DOCK2: variants seen among roughly 807,000 people sequenced by gnomAD.
DOCK2 encodes dedicator of cytokinesis protein 2.
A neutral mutation model predicts 248.9 loss-of-function variants in DOCK2; 87 were observed. The ratio of observed to expected loss-of-function variants is 0.35; its 90% CI spans 0.29 to 0.42. The LOEUF (loss-of-function observed/expected upper bound fraction) is 0.42, where lower values mean the gene tolerates loss of function less well. Ranked by LOEUF, DOCK2 falls within the 10% of genes least tolerant of loss-of-function variation. The pLI is 1.00. For synonymous variants in DOCK2, 805 were observed against 821.6 expected, an observed-to-expected ratio of 0.98 and a Z score of 0.35; for missense variants, 1,747 against 2,300.2, an observed-to-expected ratio of 0.76 and a Z score of 4.92.
Position 170,083,003 on chromosome 5 carries a change from A to G in DOCK2, c.*145A>G. 3 of 1,001,696 alleles carry G rather than the reference A, an allele frequency of 3.0e-6. No homozygotes were observed. Among genetic ancestry groups the G allele is most frequent in the Non-Finnish European group, 4.4e-6 (3 of 674,698 alleles). The allele number at this position is 1,001,696 out of a possible 1,614,324, so 62.1% of individuals were successfully genotyped here. A position where few individuals can be genotyped will look rare whatever the true frequency, so the allele number is the denominator to read the frequency against. On this transcript the variant is annotated 3_prime_UTR_variant, in exon 52 of 52. Transcript: ENST00000520908. ...CTTAGAGGAGACAGAGAGGCCAATC[A>G]GGTCCCAGAGCTTGAATGCTAACAA... is the stretch of plus-strand genomic sequence containing the variant.
At chr5:169,954,695 CTTGTTG>C (rs963676229) in intron 27 of DOCK2, among the ~76,000 whole-genome samples, 1 of 152,174 alleles carries the variant, frequency 6.6e-6, no homozygotes, top group Non-Finnish European at 1.5e-5. Flanking sequence ...CCCTTTCAAA[CTTGTTG>C]TTGTTGTTGT....
intron 27 of DOCK2, among the ~76,000 whole-genome samples, chr5:169,865,769 T>C (rs1275195490): frequency 6.6e-6 from 1 of 152,230 alleles, no homozygotes; most frequent in Non-Finnish European, 1.5e-5. Flanking sequence ...ATGTTGCATC[T>C]GGGAGACCAA....
In DOCK2 at chr5:170,028,769, G is replaced by A. The variant is rs992605918; in HGVS notation, c.3467+821G>A. The stretch of plus-strand genomic sequence containing the variant: ...CACACACACACACACACACACACAC[G>A]CGTGCGCACACACACCCAAACACTC... On this transcript the variant is annotated intron_variant, in intron 34 of 51. Transcript: ENST00000520908. Among the ~76,000 whole-genome samples, 145 of 150,242 alleles carry A rather than the reference G, an allele frequency of 9.7e-4. 1 individual carries two copies. The highest frequency in any genetic ancestry group is 1.3e-3 in the Admixed American group (19 of 15,044).
At chr5:170,040,447 T>C (rs1436463177) in intron 36 of DOCK2, among the ~76,000 whole-genome samples, 4 of 152,196 alleles carry the variant, frequency 2.6e-5, no homozygotes, top group Non-Finnish European at 5.9e-5. Flanking sequence ...GCTCAAGGTC[T>C]ACATATGAAT....
At position 169,945,333 on chromosome 5, in the gene DOCK2, CAT is replaced by C. The variant is rs76678513; in HGVS notation, c.2800-37729_2800-37728del. Among the ~76,000 whole-genome samples the C allele has an allele frequency of 8.0e-3, 1,212 of 152,338 alleles. 61 individuals carry two copies. The East Asian group carries it at 0.13, about 17-fold the overall frequency. On this transcript the variant is annotated intron_variant, in intron 27 of 51. Transcript: ENST00000520908. Reference sequence around the variant, plus strand: ...TCTCTTCTCTCCTCTAGTTAGAAGACATATATAATTTTGGGCAGAGAGCTCAA... The same window carrying C: ...TCTCTTCTCTCCTCTAGTTAGAAGACATATAATTTTGGGCAGAGAGCTCAA...
intron 1 of DOCK2, among the ~76,000 whole-genome samples, chr5:169,651,930 G>A (rs264879): frequency 0.53 from 80,365 of 152,058 alleles, 21,284 homozygotes; most frequent in Non-Finnish European, 0.56. Flanking sequence ...CAAAGCTCTG[G>A]AGGAGTGAGC....
At chr5:170,031,967 A>G (rs1403815584) in intron 34 of DOCK2, among the ~76,000 whole-genome samples, 1 of 152,050 alleles carries the variant, frequency 6.6e-6, no homozygotes, top group Non-Finnish European at 1.5e-5. Flanking sequence ...TATTAACACA[A>G]TGCCCCAGTG....
At chr5:169,918,493 C>G (rs1364216409) in intron 27 of DOCK2, among the ~76,000 whole-genome samples, 1 of 152,212 alleles carries the variant, frequency 6.6e-6, no homozygotes, top group Non-Finnish European at 1.5e-5. Flanking sequence ...AGAGCATCAT[C>G]TCACAGTTAA....
chr5:169,669,160 C>G, intron 2 of DOCK2, 128 bp from the exon 3 acceptor site: 1 of 1,063,984 alleles, frequency 9.4e-7, no homozygotes. Context: ...AGAGTTTGAT[C>G]TGTACCCAAG....
At chr5:169,685,280 G>A (rs922042123) in intron 8 of DOCK2, among the ~76,000 whole-genome samples, 2 of 152,226 alleles carry the variant, frequency 1.3e-5, no homozygotes, top group Admixed American at 6.5e-5. Flanking sequence ...AATGGAGGAA[G>A]TGAGGGAACT....
At chr5:169,659,113 A>G (rs1758303411) in intron 2 of DOCK2, among the ~76,000 whole-genome samples, 1 of 151,506 alleles carries the variant, frequency 6.6e-6, no homozygotes, top group East Asian at 1.9e-4. Flanking sequence ...CAGCCTTCCA[A>G]GTACCTGGGA....
intron 27 of DOCK2, among the ~76,000 whole-genome samples, chr5:169,850,305 G>A (rs1770556755): frequency 6.6e-6 from 1 of 152,206 alleles, no homozygotes; most frequent in South Asian, 2.1e-4. Flanking sequence ...AGCCTGGGAA[G>A]GAGGAAGCTA....
At chr5:169,675,888 C>T (rs946202108) in intron 6 of DOCK2, among the ~76,000 whole-genome samples, 6 of 152,246 alleles carry the variant, frequency 3.9e-5, no homozygotes, top group African/African-American at 1.4e-4. Flanking sequence ...CACAGTCCCT[C>T]TGCTGATGCC....
chr5:169,951,661 T>A (rs1776671538), intron 27 of DOCK2, among the ~76,000 whole-genome samples: 1 of 152,232 alleles, frequency 6.6e-6, no homozygotes, highest in African/African-American at 2.4e-5. Flanking sequence ...GTCCAGAGTA[T>A]GTTATTAATA....
chr5:169,862,220 G>A (rs1269087609), intron 27 of DOCK2, among the ~76,000 whole-genome samples: 1 of 152,220 alleles, frequency 6.6e-6, no homozygotes, highest in Non-Finnish European at 1.5e-5. Context: ...TTCAAGAATG[G>A]ACAAACAGGC....
chr5:169,757,425 C>T (rs993727747), intron 23 of DOCK2, among the ~76,000 whole-genome samples: 2 of 152,064 alleles, frequency 1.3e-5, no homozygotes, highest in African/African-American at 2.4e-5. Flanking sequence ...TCTTTGATTG[C>T]GAACCCTTTT....
intron 27 of DOCK2, chr5:169,883,173 A>C: frequency 6.4e-7 from 1 of 1,551,416 alleles, no homozygotes; most frequent in Non-Finnish European, 8.7e-7. Flanking sequence ...TTCTCCCATC[A>C]CCTGGACGTG....
intron 22 of DOCK2, among the ~76,000 whole-genome samples, chr5:169,731,964 A>G (rs761889108): frequency 5.3e-5 from 8 of 152,044 alleles, no homozygotes; most frequent in Non-Finnish European, 1.0e-4. Context: ...TACTAAAACT[A>G]CAAAAATTAG....
intron 27 of DOCK2, among the ~76,000 whole-genome samples, chr5:169,867,053 T>G (rs1301359698): frequency 6.6e-6 from 1 of 152,234 alleles, no homozygotes; most frequent in Non-Finnish European, 1.5e-5. Flanking sequence ...TCTTTGGGTT[T>G]GATTAATTTG....
Sources: gnomAD v4.1 joint callset for allele counts (sites outside exome capture counted in the v4.1 genomes callset) on GRCh38, gnomAD v4.1.1 for gene constraint, MANE v1.5 for transcripts, NCBI Gene and HGNC (gene_info 2026-07-23, HGNC 2026-07-21) for gene names.